The following MCF2L2 variants were observed in gnomAD, a reference collection of about 807,000 sequenced individuals.
MCF2L2 encodes the protein MCF.2 cell line derived transforming sequence-like 2, also known as probable guanine nucleotide exchange factor MCF2L2.
Under a neutral mutation model 150.2 loss-of-function variants are expected in MCF2L2, and 102 were observed. That is an observed-to-expected ratio of 0.68 (90% CI 0.58 to 0.80). MCF2L2 has a LOEUF of 0.80. Among genes scored for constraint, MCF2L2 ranks in the 30% least tolerant of loss-of-function variants. The pLI is 0.00. For missense variants in MCF2L2, 1,256 were observed against 1,372.8 expected, an observed-to-expected ratio of 0.91 and a Z score of 1.34; for synonymous variants, 465 against 491.3, an observed-to-expected ratio of 0.95 and a Z score of 0.71.
rs148078804 is a variant in MCF2L2, at chr3:183,220,307, A to G, written c.2302-383T>C. On this transcript the variant is annotated intron_variant, in intron 20 of 29. Coordinates refer to ENST00000328913, the MANE Select transcript of MCF2L2 (RefSeq NM_015078.4). ...CCATGATATTATGTTTTTCTAAAAT[A>G]TGGGCTTTGATTGTGGTAGAGTGTT... Among the ~76,000 whole-genome samples, 125 of 152,288 alleles carry G rather than the reference A, an allele frequency of 8.2e-4. 1 individual carries two copies. Among genetic ancestry groups the G allele is most frequent in the African/African-American group, 2.8e-3 (115 of 41,558 alleles).
rs1395113832 is a variant in MCF2L2 at position 183,310,871 on chromosome 3, C to T, written c.993+44G>A. On this transcript the variant is annotated intron_variant, in intron 9 of 29. Transcript: ENST00000328913. ...TGAGGAGGGAGAGAAAACCAGAGGTCCCGGTACCAGAAAAGAAAGTTACAG... is the reference window on the plus strand; with the variant it reads ...TGAGGAGGGAGAGAAAACCAGAGGTTCCGGTACCAGAAAAGAAAGTTACAG... 17 of 1,352,472 alleles carry T rather than the reference C, an allele frequency of 1.3e-5. 1 individual carries two copies. The African/African-American group carries it at 1.7e-4, about 14-fold the overall frequency. 83.8% of individuals were successfully genotyped at this position (1,352,472 alleles called of 1,614,324 possible). A position where few individuals can be genotyped will look rare whatever the true frequency, so the allele number is the denominator to read the frequency against.
rs3056448 is a variant in MCF2L2 at position 183,178,470 on chromosome 3, AAAAT to A, written c.*906_*909del. The A allele has an allele frequency of 0.63, 94,014 of 150,384 alleles. 31,442 individuals are homozygous for A. Among genetic ancestry groups the A allele is most frequent in the Middle Eastern group, 0.79 (232 of 292 alleles). 9.3% of individuals were successfully genotyped at this position (150,384 alleles called of 1,614,324 possible). On this transcript the variant is annotated 3_prime_UTR_variant, in exon 30 of 30. Transcript: ENST00000328913. ...GCGACAGAGCGAGACTCCGTCTCGAAAAATAAATAAATAAATAAATAAATAAATT... is the reference window on the plus strand; with the variant it reads ...GCGACAGAGCGAGACTCCGTCTCGAAAAATAAATAAATAAATAAATAAATT...
intron 15 of MCF2L2, among the ~76,000 whole-genome samples, chr3:183,250,831 G>T (rs115492807): frequency 6.6e-6 from 1 of 152,172 alleles, no homozygotes; most frequent in Non-Finnish European, 1.5e-5. Context: ...TTTACAGCAC[G>T]ATGACAGGAC....
chr3:183,310,907 A>G lies in MCF2L2; in HGVS notation c.993+8T>C. The stretch of plus-strand genomic sequence containing the variant: ...AAAAGAAAGTTACAGTAAACAAGAA[A>G]AGAATACCTTACAAAAATCGTGCTC... On this transcript the variant is annotated splice_region_variant and intron_variant, in intron 9 of 29. Transcript: ENST00000328913. 1 of 1,601,268 alleles carries G rather than the reference A, an allele frequency of 6.2e-7. No homozygotes were observed.
At chr3:183,180,345 G>A in intron 27 of MCF2L2, 186 bp from the exon 28 acceptor site, 1 of 518,304 alleles carries the variant, frequency 1.9e-6, no homozygotes, top group Non-Finnish European at 3.4e-6. Flanking sequence ...TGCTTTTCCA[G>A]CGCCGAGATG....
intron 15 of MCF2L2, chr3:183,272,132 G>C (rs1035493622): frequency 4.0e-6 from 4 of 999,996 alleles, no homozygotes; most frequent in Non-Finnish European, 4.8e-6. Flanking sequence ...TGCCAGTTTG[G>C]GGTTAAAGCA....
Position 183,261,995 on chromosome 3 carries a change from C to CATAT in MCF2L2, c.1862+14873_1862+14876dup, listed in dbSNP as rs61309164. Reference sequence around the variant, plus strand: ...AAAAAAAAGAATAGAATTGGGCATTCATATATATATATATATATGAATATT... The same window carrying CATAT: ...AAAAAAAAGAATAGAATTGGGCATTCATATATATATATATATATATATGAATATT... On this transcript the variant is annotated intron_variant, in intron 15 of 29. Coordinates refer to ENST00000328913, the MANE Select transcript of MCF2L2 (RefSeq NM_015078.4). Among the ~76,000 whole-genome samples the CATAT allele has an allele frequency of 3.0e-4, 38 of 128,632 alleles. No individual in the cohort carries two copies. The East Asian group carries it at 5.5e-3, about 19-fold the overall frequency. 84.4% of individuals were successfully genotyped at this position (128,632 alleles called of 152,430 possible). A position where few individuals can be genotyped will look rare whatever the true frequency, so the allele number is the denominator to read the frequency against.
intron 26 of MCF2L2, among the ~76,000 whole-genome samples, chr3:183,193,754 T>G (rs1721990088): frequency 6.6e-6 from 1 of 152,188 alleles, no homozygotes; most frequent in Non-Finnish European, 1.5e-5. Context: ...ACTATTATAG[T>G]AACTCTTTTG....
chr3:183,382,522 G>C (rs1193051508), intron 2 of MCF2L2, among the ~76,000 whole-genome samples: 1 of 152,196 alleles, frequency 6.6e-6, no homozygotes, highest in East Asian at 1.9e-4. Context: ...TTAAGAGGCA[G>C]AAGCATCAAG....
chr3:183,373,198 T>C (rs1221269962), intron 3 of MCF2L2: 1 of 152,218 alleles, frequency 6.6e-6, no homozygotes, highest in Non-Finnish European at 1.5e-5. Flanking sequence ...CGGCACCTGA[T>C]GGGCTAAAAC....
intron 3 of MCF2L2, among the ~76,000 whole-genome samples, chr3:183,358,777 C>T (rs1711945353): frequency 6.6e-6 from 1 of 150,652 alleles, no homozygotes; most frequent in African/African-American, 2.5e-5. Flanking sequence ...TGTTCCACCA[C>T]CTCCAGTTAA....
At chr3:183,293,940 T>TA (rs1305996258) in intron 13 of MCF2L2, among the ~76,000 whole-genome samples, 1 of 152,118 alleles carries the variant, frequency 6.6e-6, no homozygotes, top group African/African-American at 2.4e-5. Flanking sequence ...AAAGATGACC[T>TA]AAAAAACATA....
chr3:183,316,230 C>A (rs1198120448), intron 7 of MCF2L2, among the ~76,000 whole-genome samples: 2 of 152,168 alleles, frequency 1.3e-5, no homozygotes, highest in African/African-American at 4.8e-5. Context: ...AAGCAAAGGC[C>A]AAGCTTCTCA....
chr3:183,348,427 G>A (rs936999976), intron 3 of MCF2L2, among the ~76,000 whole-genome samples: 4 of 149,786 alleles, frequency 2.7e-5, no homozygotes, highest in Admixed American at 1.3e-4. Flanking sequence ...GGTAGGGGGG[G>A]CGAGGGGAGG....
chr3:183,351,213 TATATATATATATATATATATA>T (rs1560034908), intron 3 of MCF2L2, among the ~76,000 whole-genome samples: 131 of 83,628 alleles, frequency 1.6e-3, no homozygotes, highest in African/African-American at 2.3e-3. Context: ...TATATATATA[TATATATATATATATATATATA>T]TATTTATTTA....
chr3:183,183,914 G>A (rs1049253561), intron 27 of MCF2L2, among the ~76,000 whole-genome samples: 1 of 148,852 alleles, frequency 6.7e-6, no homozygotes, highest in African/African-American at 2.5e-5. Context: ...AAGAAACAGA[G>A]CAAACACACA....
chr3:183,343,589 C>T (rs577407110), intron 3 of MCF2L2, among the ~76,000 whole-genome samples: 1 of 152,158 alleles, frequency 6.6e-6, no homozygotes, highest in South Asian at 2.1e-4. Context: ...AGGCTGGTCT[C>T]AATCTCCTGA....
intron 22 of MCF2L2, among the ~76,000 whole-genome samples, chr3:183,215,124 C>T (rs183686040): frequency 6.6e-6 from 1 of 152,212 alleles, no homozygotes; most frequent in Non-Finnish European, 1.5e-5. Flanking sequence ...TTCCAGGAGA[C>T]AGATGCTAGA....
At chr3:183,386,745 T>C (rs1250479736) in intron 2 of MCF2L2, among the ~76,000 whole-genome samples, 2 of 152,192 alleles carry the variant, frequency 1.3e-5, no homozygotes, top group Non-Finnish European at 2.9e-5. Context: ...TTAGAGAGAT[T>C]TCTGTTTTAC....
Sources: allele counts gnomAD v4.1 joint callset (sites outside exome capture counted in the v4.1 genomes callset), GRCh38; gene constraint gnomAD v4.1.1; transcripts MANE v1.5; gene names NCBI Gene and HGNC (gene_info 2026-07-23, HGNC 2026-07-21).